ZNF280D: variants seen among roughly 807,000 people sequenced by gnomAD.
ZNF280D encodes zinc finger protein 280D.
Under a neutral mutation model 94.7 loss-of-function variants are expected in ZNF280D, and 39 were observed. The observed-to-expected ratio is 0.41, with a 90% CI of 0.32 to 0.54. The LOEUF (loss-of-function observed/expected upper bound fraction) is 0.54. Ranked by LOEUF, ZNF280D falls within the 20% of genes least tolerant of loss-of-function variation. ZNF280D has a pLI of 0.22. For missense variants in ZNF280D, 1,090 were observed against 1,149.3 expected (o/e 0.95, Z 0.75); for synonymous variants, 398 against 377.6 (o/e 1.05, Z -0.63).
intron 3 of ZNF280D, among the ~76,000 whole-genome samples, chr15:56,706,491 A>T (rs2057411150): frequency 6.6e-6 from 1 of 151,908 alleles, no homozygotes; most frequent in African/African-American, 2.4e-5. Context: ...ACAAACTAAC[A>T]AACAAACAAA....
intron 21 of ZNF280D, among the ~76,000 whole-genome samples, chr15:56,634,873 C>T (rs1295958526): frequency 1.3e-5 from 2 of 152,066 alleles, no homozygotes; most frequent in African/African-American, 4.8e-5. Flanking sequence ...TGTCCAGTAA[C>T]ATGCAGCATC....
intron 12 of ZNF280D, 88 bp downstream of exon 12, chr15:56,677,486 G>T: frequency 1.2e-6 from 1 of 869,270 alleles, no homozygotes; most frequent in Non-Finnish European, 1.9e-6. Flanking sequence ...GCATAAGTTT[G>T]CTGACCGCTG....
chr15:56,731,886 A>G (rs1353779075), intron 1 of ZNF280D, among the ~76,000 whole-genome samples: 1 of 152,228 alleles, frequency 6.6e-6, no homozygotes, highest in Non-Finnish European at 1.5e-5. Context: ...GAATAAAAAT[A>G]TAAAAGCCAG....
At position 56,673,166 on chromosome 15, in the gene ZNF280D, T is replaced by C. The variant is rs934964846; in HGVS notation, c.1410+3504A>G. Among the ~76,000 whole-genome samples, 12 of 152,110 alleles carry C rather than the reference T, an allele frequency of 7.9e-5. No homozygotes were observed. The East Asian group carries it at 1.5e-3, about 20-fold the overall frequency. On this transcript the variant is annotated intron_variant, in intron 13 of 21. Coordinates refer to ENST00000267807, the MANE Select transcript of ZNF280D (RefSeq NM_017661.4). Reference sequence around the variant, plus strand: ...CCAGTTTCATGGTTTTTAAATACCATCTATCCAAATGCCTACGTAACATTA... The same window carrying C: ...CCAGTTTCATGGTTTTTAAATACCACCTATCCAAATGCCTACGTAACATTA...
rs143211877 is a variant in ZNF280D, at chr15:56,656,092, C to T, written c.2058-1589G>A. Among the ~76,000 whole-genome samples, 43 of 152,204 alleles carry T rather than the reference C, an allele frequency of 2.8e-4. 1 individual carries two copies. In the East Asian group the frequency reaches 6.9e-3, roughly 25 times the overall value. ...CCTCTCTGAAATAAGTCTCATTGCA[C>T]TTATTAAAACGCATAGTTATTTATG... On this transcript the variant is annotated intron_variant, in intron 17 of 21. Transcript: ENST00000267807.
intron 6 of ZNF280D, chr15:56,699,552 C>T: frequency 1.7e-5 from 14 of 840,892 alleles, no homozygotes; most frequent in Non-Finnish European, 2.0e-5. Flanking sequence ...TTTTTCCCTT[C>T]CTGAGATTTT....
Position 56,653,511 on chromosome 15 carries a change from G to A in ZNF280D, c.2213+687C>T, listed in dbSNP as rs1306068906. On this transcript the variant is annotated intron_variant, in intron 19 of 21. Transcript: ENST00000267807. ...AAATTATTCACATTCCTTGGAAAGA[G>A]AGAACAGGCATCAGTTGTGTCCATC... 4 of 1,518,444 alleles carry A rather than the reference G, an allele frequency of 2.6e-6. No homozygotes were observed. In the East Asian group the frequency reaches 7.6e-5, roughly 29 times the overall value. 94.1% of individuals were successfully genotyped at this position (1,518,444 alleles called of 1,614,324 possible).
intron 19 of ZNF280D, among the ~76,000 whole-genome samples, chr15:56,643,902 A>G (rs2052752287): frequency 6.6e-6 from 1 of 151,920 alleles, no homozygotes; most frequent in Non-Finnish European, 1.5e-5. Context: ...TGACAAAAAA[A>G]AAGATATCTA....
intron 13 of ZNF280D, among the ~76,000 whole-genome samples, chr15:56,670,567 A>G (rs1228295756): frequency 8.5e-5 from 13 of 152,088 alleles, no homozygotes. Flanking sequence ...TATATGTACC[A>G]CATTTTTTTC....
chr15:56,674,209 C>T (rs1453593931), intron 13 of ZNF280D, among the ~76,000 whole-genome samples: 1 of 151,968 alleles, frequency 6.6e-6, no homozygotes, highest in Non-Finnish European at 1.5e-5. Context: ...AAAATATCTG[C>T]CTTTTCATTC....
rs111424629 is a variant in ZNF280D at position 56,652,778 on chromosome 15, G to T, written c.2213+1420C>A. ...TTACACCTAAGAACTCACAATTAAG[G>T]TAATATTAATAATAATCCCAATAGG... On this transcript the variant is annotated intron_variant, in intron 19 of 21. Transcript: ENST00000267807. The T allele has an allele frequency of 2.9e-4, 290 of 984,808 alleles. 8 individuals carry two copies. The African/African-American group carries it at 4.5e-3, about 15-fold the overall frequency. 61.0% of individuals were successfully genotyped at this position (984,808 alleles called of 1,614,324 possible). A position where few individuals can be genotyped will look rare whatever the true frequency, so the allele number is the denominator to read the frequency against.
intron 1 of ZNF280D, among the ~76,000 whole-genome samples, chr15:56,710,432 AG>A (rs1484556141): frequency 1.3e-5 from 2 of 151,708 alleles, no homozygotes; most frequent in African/African-American, 4.8e-5. Flanking sequence ...TAAAATAGCC[AG>A]GAAAAAAAAA....
At chr15:56,644,395 T>C (rs1241495713) in intron 19 of ZNF280D, among the ~76,000 whole-genome samples, 1 of 152,042 alleles carries the variant, frequency 6.6e-6, no homozygotes, top group Non-Finnish European at 1.5e-5. Context: ...AAATTAGTTA[T>C]GAAGTACTAA....
At chr15:56,718,184 C>A (rs1596654316) in intron 1 of ZNF280D, among the ~76,000 whole-genome samples, 1 of 151,920 alleles carries the variant, frequency 6.6e-6, no homozygotes, top group South Asian at 2.1e-4. Flanking sequence ...AATAAAATAT[C>A]TGATAATCAA....
chr15:56,731,836 G>GA (rs1474674775), intron 1 of ZNF280D, among the ~76,000 whole-genome samples: 1 of 151,876 alleles, frequency 6.6e-6, no homozygotes, highest in Non-Finnish European at 1.5e-5. Context: ...CAATATTTTC[G>GA]AAAAAAATAG....
At chr15:56,716,979 A>G (rs752699135) in intron 1 of ZNF280D, among the ~76,000 whole-genome samples, 4 of 152,254 alleles carry the variant, frequency 2.6e-5, no homozygotes, top group Admixed American at 6.5e-5. Flanking sequence ...GAGGATGACT[A>G]TAACAGCTCC....
At chr15:56,694,011 G>A (rs1054601039) in intron 6 of ZNF280D, among the ~76,000 whole-genome samples, 24 of 152,110 alleles carry the variant, frequency 1.6e-4, no homozygotes, top group Non-Finnish European at 5.9e-5. Context: ...AACAGAAGTT[G>A]TTTATGGGAA....
At chr15:56,653,186 T>A (rs1361358543) in intron 19 of ZNF280D, 2 of 1,044,208 alleles carry the variant, frequency 1.9e-6, no homozygotes, top group Non-Finnish European at 1.2e-6. Context: ...ACAACTAGAG[T>A]TTTTATATTC....
At chr15:56,658,359 G>T in intron 17 of ZNF280D, 65 bp downstream of exon 17, 3 of 1,224,294 alleles carry the variant, frequency 2.5e-6, no homozygotes, top group Non-Finnish European at 3.5e-6. Context: ...AAGCTGTTGT[G>T]TTAAAAAAAA....
Sources: allele counts gnomAD v4.1 joint callset (sites outside exome capture counted in the v4.1 genomes callset), GRCh38; gene constraint gnomAD v4.1.1; transcripts MANE v1.5; gene names NCBI Gene and HGNC (gene_info 2026-07-23, HGNC 2026-07-21).